CEP70: variants seen among roughly 807,000 people sequenced by gnomAD.
The protein encoded by CEP70 is centrosomal protein 70.
A neutral mutation model predicts 90.9 loss-of-function variants in CEP70; 70 were observed. That is an observed-to-expected ratio of 0.77 (90% confidence interval 0.64 to 0.94). The LOEUF is 0.94. Among genes scored for constraint, CEP70 ranks in the 40% least tolerant of loss-of-function variants. CEP70 has a pLI of 0.00. For missense variants in CEP70, 648 were observed against 669.0 expected (o/e 0.97, Z 0.35); for synonymous variants, 220 against 228.3 (o/e 0.96, Z 0.33).
At chr3:138,576,809 C>T (rs567689208) in intron 2 of CEP70, among the ~76,000 whole-genome samples, 9 of 152,260 alleles carry the variant, frequency 5.9e-5, no homozygotes, top group South Asian at 4.2e-4. Context: ...CACTCAAAAC[C>T]GCACAACTAC....
intron 1 of CEP70, chr3:138,593,845 C>A (rs1035615461): frequency 2.6e-5 from 4 of 152,184 alleles, no homozygotes; most frequent in African/African-American, 9.7e-5. Context: ...CAGCTTAAAT[C>A]GAGTCTGTGC....
intron 11 of CEP70, among the ~76,000 whole-genome samples, chr3:138,517,823 C>T (rs555023812): frequency 1.1e-4 from 17 of 152,256 alleles, no homozygotes; most frequent in African/African-American, 2.9e-4. Flanking sequence ...TGGGGAGTGT[C>T]GGAAAGTGGG....
intron 6 of CEP70, among the ~76,000 whole-genome samples, chr3:138,541,386 T>C (rs1173274108): frequency 2.7e-5 from 4 of 147,124 alleles, no homozygotes; most frequent in Middle Eastern, 3.5e-3. Context: ...TGAAATAACA[T>C]ATTCAACGTG....
At chr3:138,552,623 C>A (rs1449918567) in intron 6 of CEP70, among the ~76,000 whole-genome samples, 2 of 151,958 alleles carry the variant, frequency 1.3e-5, no homozygotes, top group African/African-American at 4.8e-5. Context: ...ATTCTTTGAA[C>A]CGAGAGATAA....
In CEP70 at chr3:138,529,208, A is replaced by C. The variant is rs779347598; in HGVS notation, c.860T>G (p.Leu287Trp). ...ATTAAGTTTCTCTCACCTGGTTTCC[A>C]AATCTTTTTGGAGGTTCAGCTTTTC... ...SSEKLNLQKD[L>W]ETRPTQHELR... Residue 287 changes from leucine (L) to tryptophan (W), a missense_variant, in exon 10 of 18, where the codon TTG (leucine) becomes TGG (tryptophan). By Grantham distance (61) the Leu-to-Trp change is moderately conservative. Transcript: ENST00000264982. 3 of 1,590,032 alleles carry C rather than the reference A, an allele frequency of 1.9e-6. No homozygotes were observed. The highest frequency in any genetic ancestry group is 3.6e-5 in the Admixed American group (2 of 55,052).
chr3:138,575,068 C>G (rs2041420823), intron 2 of CEP70, among the ~76,000 whole-genome samples: 1 of 152,192 alleles, frequency 6.6e-6, no homozygotes, highest in Non-Finnish European at 1.5e-5. Context: ...CAGCTCCTCA[C>G]TAGCAACAGA....
intron 6 of CEP70, among the ~76,000 whole-genome samples, chr3:138,568,620 C>G (rs957972046): frequency 6.6e-6 from 1 of 152,076 alleles, no homozygotes; most frequent in Non-Finnish European, 1.5e-5. Flanking sequence ...AAAGTATTTC[C>G]AAAATACCCC....
At chr3:138,575,930 T>C (rs1179561346) in intron 2 of CEP70, among the ~76,000 whole-genome samples, 1 of 152,130 alleles carries the variant, frequency 6.6e-6, no homozygotes, top group Non-Finnish European at 1.5e-5. Context: ...CAGGCCTGCC[T>C]TACAAGAGCT....
At chr3:138,496,596 C>T (rs751615183) in intron 17 of CEP70, 1 of 985,312 alleles carries the variant, frequency 1.0e-6, no homozygotes, top group Non-Finnish European at 1.2e-6. Flanking sequence ...TCAATCACAC[C>T]ATTTACATGA....
chr3:138,562,001 C>A (rs950722030), intron 6 of CEP70, among the ~76,000 whole-genome samples: 1 of 140,294 alleles, frequency 7.1e-6, no homozygotes, highest in African/African-American at 2.7e-5. Context: ...CTGGCCCGGG[C>A]GACAATGCAA....
intron 8 of CEP70, 78 bp downstream of exon 8, chr3:138,532,436 G>A (rs1483828734): frequency 1.5e-6 from 2 of 1,291,824 alleles, no homozygotes; most frequent in African/African-American, 3.1e-5. Context: ...GTATATTAAA[G>A]TTTCAAAAGC....
chr3:138,589,491 GAAAAAA>G (rs765699825), intron 2 of CEP70, among the ~76,000 whole-genome samples: 6 of 116,564 alleles, frequency 5.1e-5, no homozygotes, highest in Non-Finnish European at 1.1e-4. Flanking sequence ...TGTCTCTCAA[GAAAAAA>G]AAAAAAAAAA....
chr3:138,510,965 A>G (rs887362141), intron 11 of CEP70, among the ~76,000 whole-genome samples: 1 of 150,558 alleles, frequency 6.6e-6, no homozygotes, highest in Non-Finnish European at 1.5e-5. Flanking sequence ...GGTTCAAACA[A>G]TTCTCCTGCC....
chr3:138,550,330 G>A (rs1444545356), intron 6 of CEP70, among the ~76,000 whole-genome samples: 8 of 152,090 alleles, frequency 5.3e-5, no homozygotes, highest in Non-Finnish European at 1.0e-4. Context: ...GAAATGAGGA[G>A]AGAAATCTTC....
chr3:138,555,511 T>C (rs563811392), intron 6 of CEP70, among the ~76,000 whole-genome samples: 1 of 152,168 alleles, frequency 6.6e-6, no homozygotes, highest in Non-Finnish European at 1.5e-5. Flanking sequence ...TCACAATCTA[T>C]ACATCCGACA....
At chr3:138,590,882 A>T (rs113258796) in intron 2 of CEP70, among the ~76,000 whole-genome samples, 67 of 152,198 alleles carry the variant, frequency 4.4e-4, no homozygotes, top group African/African-American at 1.6e-3. Flanking sequence ...AATGGTGACT[A>T]AATGGGAACA....
At chr3:138,532,383 AT>A in intron 8 of CEP70, 130 bp downstream of exon 8, 2 of 702,368 alleles carry the variant, frequency 2.8e-6, no homozygotes, top group Middle Eastern at 4.7e-4. Context: ...CAAGTTCTTT[AT>A]AAAAAAGAAC....
At chr3:138,562,652 T>C (rs2040497966) in intron 6 of CEP70, among the ~76,000 whole-genome samples, 1 of 152,136 alleles carries the variant, frequency 6.6e-6, no homozygotes, top group Admixed American at 6.6e-5. Context: ...GACAAACAAA[T>C]GCTGAGCAAT....
At chr3:138,522,662 A>T (rs530714279) in intron 11 of CEP70, among the ~76,000 whole-genome samples, 1 of 152,322 alleles carries the variant, frequency 6.6e-6, no homozygotes, top group Non-Finnish European at 1.5e-5. Context: ...CACCCTCCCA[A>T]GACTAAACCA....
Sources: gnomAD v4.1 joint callset for allele counts (sites outside exome capture counted in the v4.1 genomes callset) on GRCh38, gnomAD v4.1.1 for gene constraint, MANE v1.5 for transcripts, NCBI Gene and HGNC (gene_info 2026-07-23, HGNC 2026-07-21) for gene names.